Variants in TBC1D22A observed in about 807,000 individuals in gnomAD.
TBC1D22A encodes the protein TBC1 domain family member 22A, also known as putative GTPase activator.
In TBC1D22A, 38 loss-of-function variants were observed where a neutral mutation model predicts 60.2. The ratio of observed to expected loss-of-function variants is 0.63; its 90% confidence interval spans 0.49 to 0.83. TBC1D22A has a LOEUF of 0.83. Among genes scored for constraint, TBC1D22A ranks in the 40% least tolerant of loss-of-function variants. The pLI, the probability that TBC1D22A is intolerant of heterozygous loss-of-function variation, is 0.00. For synonymous variants in TBC1D22A, 302 were observed against 281.7 expected (o/e 1.07, Z -0.72); for missense variants, 628 against 701.0 (o/e 0.90, Z 1.18).
intron 12 of TBC1D22A, among the ~76,000 whole-genome samples, chr22:47,127,361 G>A (rs945308213): frequency 6.6e-6 from 1 of 150,964 alleles, no homozygotes; most frequent in Non-Finnish European, 1.5e-5. Context: ...ACGAGTAGCT[G>A]GGATTACAGG....
In TBC1D22A at chr22:46,894,863, G is replaced by T. The variant is rs745588146; in HGVS notation, c.900+17G>T. On this transcript the variant is annotated intron_variant, in intron 7 of 12. Transcript: ENST00000337137. ...GTGACGGAGGTAAGAAGCTCTTGCC[G>T]TGGGGAGTTCCCCTCGTTGGGAGTG... is the stretch of plus-strand genomic sequence containing the variant. The T allele has an allele frequency of 6.2e-7, 1 of 1,614,012 alleles. No individual in the cohort carries two copies.
chr22:46,904,142 T>TCTATCTATCTAC lies in TBC1D22A; in HGVS notation c.901-7929_901-7928insTCTATCTACCTA, dbSNP rs57116517. ...ATCTATCTATCTATCTATCTATCTATCTACCTACCTACCTACCTACCTACC... is the reference window on the plus strand; with the variant it reads ...ATCTATCTATCTATCTATCTATCTATCTATCTATCTACCTACCTACCTACCTACCTACCTACC... On this transcript the variant is annotated intron_variant, in intron 7 of 12. Transcript: ENST00000337137. Among the ~76,000 whole-genome samples, 431 of 134,504 alleles carry TCTATCTATCTAC rather than the reference T, an allele frequency of 3.2e-3. 4 individuals carry two copies. Among genetic ancestry groups the TCTATCTATCTAC allele is most frequent in the Middle Eastern group, 7.4e-3 (2 of 270 alleles). The allele number at this position is 134,504 out of a possible 152,430, so 88.2% of individuals were successfully genotyped here. A position where few individuals can be genotyped will look rare whatever the true frequency, so the allele number is the denominator to read the frequency against.
At chr22:46,809,548 G>A (rs2085295296) in intron 4 of TBC1D22A, among the ~76,000 whole-genome samples, 1 of 152,130 alleles carries the variant, frequency 6.6e-6, no homozygotes, top group South Asian at 2.1e-4. Context: ...CTAGAAGTAA[G>A]AATAACCACA....
chr22:46,855,552 A>G (rs1331894695), intron 4 of TBC1D22A, among the ~76,000 whole-genome samples: 1 of 152,162 alleles, frequency 6.6e-6, no homozygotes, highest in Non-Finnish European at 1.5e-5. Context: ...GTGGGGTGGA[A>G]GTGACCTTGT....
At chr22:46,867,311 A>C (rs775261516) in intron 4 of TBC1D22A, among the ~76,000 whole-genome samples, 3 of 152,228 alleles carry the variant, frequency 2.0e-5, no homozygotes, top group Admixed American at 2.0e-4. Flanking sequence ...ACAGCTGTGC[A>C]TGCCTGGCAC....
In TBC1D22A at chr22:46,921,159, G is replaced by A. The variant is rs200335491; in HGVS notation, c.1015+8971G>A. Among the ~76,000 whole-genome samples the A allele has an allele frequency of 2.4e-4, 37 of 152,276 alleles. No individual in the cohort carries two copies. In the East Asian group the frequency reaches 5.8e-3, roughly 24 times the overall value. On this transcript the variant is annotated intron_variant, in intron 8 of 12. Coordinates refer to ENST00000337137, the MANE Select transcript of TBC1D22A (RefSeq NM_014346.5). ...TATAGGTAAATTGTGAGTCACAGGGGTTTGGTGTACAGATTATTTAGTTAC... is the reference window on the plus strand; with the variant it reads ...TATAGGTAAATTGTGAGTCACAGGGATTTGGTGTACAGATTATTTAGTTAC...
intron 4 of TBC1D22A, among the ~76,000 whole-genome samples, chr22:46,874,702 T>C (rs2067463054): frequency 6.6e-6 from 1 of 150,810 alleles, no homozygotes; most frequent in Non-Finnish European, 1.5e-5. Context: ...GCCTCCCAAG[T>C]AGCTGGGATT....
chr22:47,055,975 G>C (rs553400957), intron 11 of TBC1D22A, among the ~76,000 whole-genome samples: 1 of 152,230 alleles, frequency 6.6e-6, no homozygotes, highest in South Asian at 2.1e-4. Context: ...GGAAGGTGCC[G>C]TCCAGGGAGC....
intron 9 of TBC1D22A, among the ~76,000 whole-genome samples, chr22:46,982,217 A>C (rs901450699): frequency 2.0e-5 from 3 of 150,412 alleles, no homozygotes; most frequent in Non-Finnish European, 4.4e-5. Flanking sequence ...TAAGTGTTTA[A>C]GAGACAGTCT....
chr22:47,070,277 C>T (rs1406790725), intron 11 of TBC1D22A, among the ~76,000 whole-genome samples: 3 of 133,846 alleles, frequency 2.2e-5, no homozygotes, highest in Admixed American at 7.5e-5. Context: ...TGGACGCTGT[C>T]CCCTGTTGTT....
chr22:46,880,337 G>A (rs1214762881), intron 5 of TBC1D22A, among the ~76,000 whole-genome samples: 1 of 152,216 alleles, frequency 6.6e-6, no homozygotes, highest in Non-Finnish European at 1.5e-5. Flanking sequence ...GTGTGCATCT[G>A]TCTCAGTGAG....
chr22:46,764,364 C>A (rs1278023256), intron 1 of TBC1D22A: 1 of 152,148 alleles, frequency 6.6e-6, no homozygotes, highest in Admixed American at 6.6e-5. Flanking sequence ...ACATAAGAGT[C>A]CAGGGAAGAG....
At chr22:46,884,398 C>T (rs2068005804) in intron 5 of TBC1D22A, among the ~76,000 whole-genome samples, 1 of 152,140 alleles carries the variant, frequency 6.6e-6, no homozygotes, top group African/African-American at 2.4e-5. Flanking sequence ...CACTGTGTTT[C>T]CCATCAGGGA....
Position 47,105,762 on chromosome 22 carries a change from C to A in TBC1D22A, c.1330-5746C>A, listed in dbSNP as rs370772581. 1.4e-4 allele frequency among the ~76,000 whole-genome samples: 21 copies of A among 152,236 alleles called. No homozygotes were observed. In the East Asian group the frequency reaches 2.3e-3, roughly 17 times the overall value. ...AGCAAATATAGGTTTCCCACCCCCC[C>A]ACTCCCCAAAGAAAAGCCTCAAAGA... On this transcript the variant is annotated intron_variant, in intron 11 of 12. Transcript: ENST00000337137.
intron 4 of TBC1D22A, among the ~76,000 whole-genome samples, chr22:46,843,083 C>G (rs1316260729): frequency 6.6e-6 from 1 of 152,152 alleles, no homozygotes; most frequent in Non-Finnish European, 1.5e-5. Context: ...TCCATGCGTT[C>G]AGCTGGGTGG....
Position 47,160,754 on chromosome 22 carries a change from C to T in TBC1D22A, c.1426-12744C>T, listed in dbSNP as rs564115660. 1.9e-3 allele frequency among the ~76,000 whole-genome samples: 292 copies of T among 152,294 alleles called. 1 individual carries two copies. Among genetic ancestry groups the T allele is most frequent in the African/African-American group, 6.7e-3 (278 of 41,552 alleles). ...CCTGACACGACCAAGCCACGGGGAC[C>T]GAGATGGCAAAGGGAAGGAGTATCC... On this transcript the variant is annotated intron_variant, in intron 12 of 12. Coordinates refer to ENST00000337137, the MANE Select transcript of TBC1D22A (RefSeq NM_014346.5).
chr22:46,765,130 G>A (rs1441814641), intron 1 of TBC1D22A, among the ~76,000 whole-genome samples: 2 of 152,220 alleles, frequency 1.3e-5, no homozygotes, highest in African/African-American at 4.8e-5. Flanking sequence ...GTCTTGGAGA[G>A]TTCGAGGCTG....
At chr22:47,100,902 T>C (rs888416116) in intron 11 of TBC1D22A, among the ~76,000 whole-genome samples, 5 of 152,200 alleles carry the variant, frequency 3.3e-5, no homozygotes, top group African/African-American at 9.7e-5. Context: ...GAGGGATCGC[T>C]TGGTCTCTGG....
chr22:47,136,789 G>A (rs966484678), intron 12 of TBC1D22A, among the ~76,000 whole-genome samples: 1 of 152,226 alleles, frequency 6.6e-6, no homozygotes, highest in Non-Finnish European at 1.5e-5. Context: ...CAGGACACCT[G>A]TGGCCCTCAG....
Sources: gnomAD v4.1 joint callset for allele counts (sites outside exome capture counted in the v4.1 genomes callset) on GRCh38, gnomAD v4.1.1 for gene constraint, MANE v1.5 for transcripts, NCBI Gene and HGNC (gene_info 2026-07-23, HGNC 2026-07-21) for gene names.